Variants in LRRC31 observed in about 807,000 individuals in gnomAD.
LRRC31 encodes the protein leucine-rich repeat-containing protein 31.
A neutral mutation model predicts 46.7 loss-of-function variants in LRRC31; 35 were observed. That is an observed-to-expected ratio of 0.75 (90% CI 0.57 to 0.99). The LOEUF (loss-of-function observed/expected upper bound fraction) is 0.99, where lower values mean the gene tolerates loss of function less well. LRRC31 is among the 50% of genes least tolerant of loss of function. The pLI, the probability that LRRC31 is intolerant of heterozygous loss-of-function variation, is 0.00. For missense variants in LRRC31, 613 were observed against 626.1 expected (o/e 0.98, Z 0.22); for synonymous variants, 236 against 235.1 (o/e 1.00, Z -0.03).
rs768450211 is a variant in LRRC31, at chr3:169,869,705, C to T, written c.103G>A (p.Glu35Lys). ...LRGSNAESRK[E>K]DNDLKTSDSQ... ...TCACTTGTTTTAAGGTCATTGTCCT[C>T]TTTTCTGCTTTCAGCATTGGAGCCC... Residue 35 changes from glutamate (E) to lysine (K), a missense_variant, in exon 1 of 9, where the codon GAG becomes AAG. Coordinates refer to ENST00000316428, the MANE Select transcript of LRRC31 (RefSeq NM_024727.4). The T allele has an allele frequency of 1.1e-5, 18 of 1,613,360 alleles. No homozygotes were observed. The highest frequency in any genetic ancestry group is 8.5e-7 in the Non-Finnish European group (1 of 1,179,782).
chr3:169,847,989 T>A, intron 8 of LRRC31, 131 bp downstream of exon 8: 1 of 792,712 alleles, frequency 1.3e-6, no homozygotes, highest in South Asian at 2.0e-5. Context: ...CAGATGTTGG[T>A]GAGAAGGGAA....
At chr3:169,860,536 C>T in intron 3 of LRRC31, 25 bp downstream of exon 3, 1 of 1,612,858 alleles carries the variant, frequency 6.2e-7, no homozygotes, top group Non-Finnish European at 8.5e-7. Context: ...CCGAATCCAT[C>T]TTTTAAGAAA....
rs374020744 is a variant in LRRC31 at position 169,842,638 on chromosome 3, AC to A, written c.1328-2326del. On this transcript the variant is annotated intron_variant, in intron 8 of 8. Transcript: ENST00000316428. ...AGTGCTGGGATTACAGGCGTGAGCC[AC>A]CATGCCTGGCCTGTAATACTTGTTA... is the stretch of plus-strand genomic sequence containing the variant. Among the ~76,000 whole-genome samples the A allele has an allele frequency of 6.2e-4, 95 of 152,326 alleles. 2 individuals are homozygous for A. In the East Asian group the frequency reaches 0.012, roughly 19 times the overall value.
intron 3 of LRRC31, 25 bp downstream of exon 3, chr3:169,860,536 C>CT: frequency 6.2e-7 from 1 of 1,612,858 alleles, no homozygotes. Context: ...CCGAATCCAT[C>CT]TTTTAAGAAA....
intron 1 of LRRC31, among the ~76,000 whole-genome samples, chr3:169,866,581 T>C (rs1781339181): frequency 6.6e-6 from 1 of 152,186 alleles, no homozygotes; most frequent in African/African-American, 2.4e-5. Flanking sequence ...AAAATACATT[T>C]AATCTACTTG....
intron 1 of LRRC31, among the ~76,000 whole-genome samples, chr3:169,866,550 C>T (rs761790869): frequency 1.3e-5 from 2 of 152,156 alleles, no homozygotes; most frequent in African/African-American, 2.4e-5. Context: ...ACTTTAATTT[C>T]CTATTTATAA....
At chr3:169,863,869 G>T (rs1036056754) in intron 1 of LRRC31, among the ~76,000 whole-genome samples, 6 of 152,124 alleles carry the variant, frequency 3.9e-5, no homozygotes, top group African/African-American at 1.4e-4. Flanking sequence ...TGCCTCTTAG[G>T]TGCCAGCAAG....
At chr3:169,862,407 C>T (rs947487212) in intron 1 of LRRC31, among the ~76,000 whole-genome samples, 2 of 152,206 alleles carry the variant, frequency 1.3e-5, no homozygotes, top group African/African-American at 4.8e-5. Flanking sequence ...CCTCGTCTGT[C>T]CTCCTTGTTA....
intron 2 of LRRC31, among the ~76,000 whole-genome samples, chr3:169,861,132 C>G (rs1226132946): frequency 6.8e-6 from 1 of 146,542 alleles, no homozygotes; most frequent in Non-Finnish European, 1.5e-5. Context: ...TGCAGTGGCA[C>G]GATCTTGGCT....
intron 7 of LRRC31, among the ~76,000 whole-genome samples, chr3:169,849,266 G>A (rs1392779695): frequency 6.6e-6 from 1 of 152,072 alleles, no homozygotes; most frequent in African/African-American, 2.4e-5. Flanking sequence ...ACATTAAGGA[G>A]AAATGGAACT....
At position 169,869,736 on chromosome 3, in the gene LRRC31, A is replaced by G. The variant is rs1272404617; in HGVS notation, c.72T>C (p.Phe24=). Residue 24 remains phenylalanine (F), a synonymous_variant, in exon 1 of 9, where the codon TTT becomes TTC. Transcript: ENST00000316428. ...TKPQTSTVNK[F]LRGSNAESRK... ...TGCTTTCAGCATTGGAGCCCCTGAG[A>G]AATTTGTTGACAGTTGAAGTCTGGG... The G allele has an allele frequency of 6.2e-7, 1 of 1,613,270 alleles. No individual in the cohort carries two copies. Among genetic ancestry groups the G allele is most frequent in the Admixed American group, 1.7e-5 (1 of 59,960 alleles).
At chr3:169,846,121 T>C (rs933028845) in intron 8 of LRRC31, among the ~76,000 whole-genome samples, 15 of 152,224 alleles carry the variant, frequency 9.9e-5, no homozygotes, top group Admixed American at 9.2e-4. Context: ...TTTGACATCA[T>C]TGGTCATTAG....
chr3:169,854,777 C>A, intron 6 of LRRC31, 36 bp downstream of exon 6: 2 of 1,530,356 alleles, frequency 1.3e-6, no homozygotes, highest in Non-Finnish European at 1.8e-6. Context: ...GCCAAGATTC[C>A]AAAAGTCTTT....
rs765841326 is a variant in LRRC31 at position 169,860,582 on chromosome 3, T to C, written c.466A>G (p.Thr156Ala). ...ILRLGSCRLT[T>A]DDVQALGEAF... ...ATACCCAGTGCTTGAACATCGTCAG[T>C]GGTGAGTCTGCAGCTACCCAGCCTC... The change falls in exon 3 of 9, where the codon ACT (threonine) becomes GCT (alanine). Residue 156 changes from threonine (T) to alanine (A), a missense_variant. Thr to Ala is a moderately conservative substitution (Grantham distance 58). Coordinates refer to ENST00000316428, the MANE Select transcript of LRRC31 (RefSeq NM_024727.4). 3.1e-6 allele frequency: 5 copies of C among 1,614,006 alleles called. No homozygotes were observed. Among genetic ancestry groups the C allele is most frequent in the Non-Finnish European group, 4.2e-6 (5 of 1,180,000 alleles).
rs192921724 is a variant in LRRC31 at position 169,855,064 on chromosome 3, G to A, written c.824-84C>T. 1.6e-3 allele frequency: 1,975 copies of A among 1,212,850 alleles called. 2 individuals are homozygous for A. Among genetic ancestry groups the A allele is most frequent in the Non-Finnish European group, 2.2e-3 (1,850 of 859,830 alleles). 75.1% of individuals were successfully genotyped at this position (1,212,850 alleles called of 1,614,324 possible). A position where few individuals can be genotyped will look rare whatever the true frequency, so the allele number is the denominator to read the frequency against. ...CCAGCTGCTAGGGAGACCAAGGCAGGAGGATTGCTTGAGCCCCGGAGTTCG... is the reference window on the plus strand; with the variant it reads ...CCAGCTGCTAGGGAGACCAAGGCAGAAGGATTGCTTGAGCCCCGGAGTTCG... On this transcript the variant is annotated intron_variant, in intron 5 of 8. Coordinates refer to ENST00000316428, the MANE Select transcript of LRRC31 (RefSeq NM_024727.4).
intron 8 of LRRC31, among the ~76,000 whole-genome samples, chr3:169,845,484 C>G (rs117680320): frequency 6.6e-6 from 1 of 152,042 alleles, no homozygotes; most frequent in African/African-American, 2.4e-5. Flanking sequence ...ATCAAGACAG[C>G]GTGATATTGG....
chr3:169,861,905 T>C, intron 1 of LRRC31, 92 bp from the exon 2 acceptor site: 1 of 1,299,088 alleles, frequency 7.7e-7, no homozygotes, highest in African/African-American at 1.5e-5. Context: ...AAAGACTGCA[T>C]AACTCTGAAT....
intron 7 of LRRC31, 137 bp from the exon 8 acceptor site, chr3:169,848,424 G>T: frequency 1.4e-6 from 1 of 713,610 alleles, no homozygotes; most frequent in Non-Finnish European, 2.2e-6. Context: ...ATTTTCTTCT[G>T]CCTTAAATTT....
intron 3 of LRRC31, 34 bp downstream of exon 3, chr3:169,860,527 C>A (rs764152068): frequency 1.2e-6 from 2 of 1,611,154 alleles, no homozygotes; most frequent in Non-Finnish European, 1.7e-6. Flanking sequence ...GGCGCCCGGC[C>A]GAATCCATCT....
Sources: allele counts gnomAD v4.1 joint callset (sites outside exome capture counted in the v4.1 genomes callset), GRCh38; gene constraint gnomAD v4.1.1; transcripts MANE v1.5; gene names NCBI Gene and HGNC (gene_info 2026-07-23, HGNC 2026-07-21).